FNDC3B: variants seen among roughly 807,000 people sequenced by gnomAD.
FNDC3B encodes fibronectin type III domain-containing protein 3B.
In FNDC3B, 12 loss-of-function variants were observed where a neutral mutation model predicts 151.5. The ratio of observed to expected loss-of-function variants is 0.08; its 90% CI spans 0.05 to 0.13. FNDC3B has a LOEUF of 0.13. Among genes scored for constraint, FNDC3B ranks in the 10% least tolerant of loss-of-function variants. The pLI is 1.00. For missense variants in FNDC3B, 1,214 were observed against 1,505.3 expected (o/e 0.81, Z 3.20); for synonymous variants, 528 against 549.0 (o/e 0.96, Z 0.54).
At chr3:172,255,143 C>A (rs956550405) in intron 6 of FNDC3B, among the ~76,000 whole-genome samples, 1 of 152,180 alleles carries the variant, frequency 6.6e-6, no homozygotes, top group Non-Finnish European at 1.5e-5. Context: ...ATGCTCCATT[C>A]CCCTCACCCC....
intron 4 of FNDC3B, among the ~76,000 whole-genome samples, chr3:172,231,757 G>A (rs1168159179): frequency 7.4e-6 from 1 of 134,974 alleles, no homozygotes; most frequent in Admixed American, 7.3e-5. Flanking sequence ...CCGTGGCAGA[G>A]CCTTGTCCTG....
rs1443213168 is a variant in FNDC3B at position 172,075,761 on chromosome 3, A to G, written c.-29+35990A>G. On this transcript the variant is annotated intron_variant, in intron 1 of 25. Transcript: ENST00000415807. ...CACACACACACACACACACACACAC[A>G]CACACAAACATTTATATACATATAA... 3.4e-5 allele frequency among the ~76,000 whole-genome samples: 5 copies of G among 146,910 alleles called. No homozygotes were observed. In the South Asian group the frequency reaches 8.7e-4, roughly 25 times the overall value.
At chr3:172,330,880 T>C (rs1732617199) in intron 13 of FNDC3B, among the ~76,000 whole-genome samples, 165 bp downstream of exon 13, 1 of 152,230 alleles carries the variant, frequency 6.6e-6, no homozygotes, top group Admixed American at 6.5e-5. Flanking sequence ...TTCCCATCTC[T>C]GTAAATGACA....
intron 9 of FNDC3B, among the ~76,000 whole-genome samples, chr3:172,299,612 ATTGTTTCCC>A (rs1730798903): frequency 7.0e-6 from 1 of 142,960 alleles, no homozygotes; most frequent in South Asian, 2.2e-4. Context: ...ACAACAACAC[ATTGTTTCCC>A]TTTTTTTTTT....
At chr3:172,334,402 A>G (rs567142555) in intron 14 of FNDC3B, among the ~76,000 whole-genome samples, 12 of 148,514 alleles carry the variant, frequency 8.1e-5, no homozygotes, top group African/African-American at 2.9e-4. Context: ...TCTTTTTGAA[A>G]GGGTAAAAAT....
chr3:172,190,019 C>T (rs1427007489), intron 3 of FNDC3B, among the ~76,000 whole-genome samples: 1 of 152,130 alleles, frequency 6.6e-6, no homozygotes, highest in African/African-American at 2.4e-5. Context: ...AAGTCTTGAT[C>T]AAGTTCACAG....
chr3:172,277,069 A>G (rs1328710273), intron 6 of FNDC3B, among the ~76,000 whole-genome samples: 1 of 152,202 alleles, frequency 6.6e-6, no homozygotes, highest in Non-Finnish European at 1.5e-5. Flanking sequence ...CAGGAAAGAA[A>G]TGCTGAAGTT....
intron 6 of FNDC3B, among the ~76,000 whole-genome samples, chr3:172,276,267 G>A (rs1453397348): frequency 2.0e-5 from 3 of 152,156 alleles, no homozygotes; most frequent in Non-Finnish European, 2.9e-5. Context: ...TTTAACAGGT[G>A]TTCCAAACCA....
chr3:172,359,950 C>A (rs147284363), intron 22 of FNDC3B, among the ~76,000 whole-genome samples: 415 of 152,228 alleles, frequency 2.7e-3, no homozygotes, highest in African/African-American at 9.2e-3. Flanking sequence ...ATAAGTAGAG[C>A]TGCTGTAAAC....
chr3:172,057,700 T>A (rs1173701348), intron 1 of FNDC3B, among the ~76,000 whole-genome samples: 8 of 145,190 alleles, frequency 5.5e-5, no homozygotes, highest in African/African-American at 7.9e-5. Context: ...TTTTTTTTTT[T>A]AAATGAGGCA....
chr3:172,098,854 T>C (rs1303803400), intron 1 of FNDC3B, among the ~76,000 whole-genome samples: 1 of 152,168 alleles, frequency 6.6e-6, no homozygotes, highest in Non-Finnish European at 1.5e-5. Flanking sequence ...TGGAAAATTC[T>C]TTCTGGAATG....
chr3:172,349,813 G>T (rs763286099), intron 21 of FNDC3B, among the ~76,000 whole-genome samples: 1 of 151,908 alleles, frequency 6.6e-6, no homozygotes, highest in Non-Finnish European at 1.5e-5. Context: ...CTGCCACCAC[G>T]CCTGACTAAT....
chr3:172,386,242 T>C (rs544269385), intron 25 of FNDC3B, among the ~76,000 whole-genome samples: 2 of 152,252 alleles, frequency 1.3e-5, no homozygotes, highest in Admixed American at 1.3e-4. Flanking sequence ...TTGTACAAGA[T>C]ATAGCATAGA....
chr3:172,304,206 A>G (rs1237201432), intron 9 of FNDC3B, among the ~76,000 whole-genome samples: 1 of 152,184 alleles, frequency 6.6e-6, no homozygotes, highest in Non-Finnish European at 1.5e-5. Flanking sequence ...CTAAAAATGA[A>G]CAAAGAATTT....
intron 1 of FNDC3B, among the ~76,000 whole-genome samples, chr3:172,063,733 T>C (rs1467163041): frequency 1.8e-4 from 27 of 152,154 alleles, no homozygotes; most frequent in Non-Finnish European, 2.9e-5. Flanking sequence ...CTGGGTAAAA[T>C]CAGAGTAGGA....
intron 6 of FNDC3B, among the ~76,000 whole-genome samples, chr3:172,279,398 C>G (rs1388479340): frequency 1.3e-5 from 2 of 152,204 alleles, no homozygotes; most frequent in Non-Finnish European, 2.9e-5. Flanking sequence ...TCTTAAGGTT[C>G]CAGAACCTGT....
At chr3:172,201,878 A>G (rs192279231) in intron 3 of FNDC3B, among the ~76,000 whole-genome samples, 13 of 152,344 alleles carry the variant, frequency 8.5e-5, no homozygotes, top group African/African-American at 2.9e-4. Context: ...ATATGCTGGT[A>G]TGAAAAGTTA....
At chr3:172,392,810 C>CTTTCTTTCTTTT (rs1491505881) in intron 25 of FNDC3B, among the ~76,000 whole-genome samples, 1 of 99,874 alleles carries the variant, frequency 1.0e-5, no homozygotes, top group African/African-American at 3.6e-5. Context: ...TTTTTTTTTT[C>CTTTCTTTCTTTT]TTTTTTTTTT....
rs201107538 is a variant in FNDC3B at position 172,400,734 on chromosome 3, TTTGTTGTTG to T, written c.*3271_*3279del. The T allele has an allele frequency of 1.3e-5, 2 of 151,402 alleles. No homozygotes were observed. Among genetic ancestry groups the T allele is most frequent in the African/African-American group, 4.9e-5 (2 of 41,202 alleles). 9.4% of individuals were successfully genotyped at this position (151,402 alleles called of 1,614,324 possible). ...TTTTTCTGCCATGACTAGGATTGCT[TTTGTTGTTG>T]TTGTTGTTGTTTCTTTCTTTTTTTT... On this transcript the variant is annotated 3_prime_UTR_variant, in exon 26 of 26. Transcript: ENST00000415807.
Sources: gnomAD v4.1 joint callset for allele counts (sites outside exome capture counted in the v4.1 genomes callset) on GRCh38, gnomAD v4.1.1 for gene constraint, MANE v1.5 for transcripts, NCBI Gene and HGNC (gene_info 2026-07-23, HGNC 2026-07-21) for gene names.